Variants in CLIP1 observed in about 807,000 individuals in gnomAD.
CLIP1 encodes CAP-Gly domain containing linker protein 1.
A neutral mutation model predicts 161.6 loss-of-function variants in CLIP1; 66 were observed. The ratio of observed to expected loss-of-function variants is 0.41; its 90% CI spans 0.33 to 0.50. CLIP1 has a LOEUF of 0.50. Among genes scored for constraint, CLIP1 ranks in the 20% least tolerant of loss-of-function variants. The pLI, the probability that CLIP1 is intolerant of heterozygous loss-of-function variation, is 0.27. For synonymous variants in CLIP1, 598 were observed against 626.2 expected (o/e 0.96, Z 0.67); for missense variants, 1,376 against 1,702.0 (o/e 0.81, Z 3.37).
chr12:122,358,976 G>A (rs1466517788), intron 5 of CLIP1, among the ~76,000 whole-genome samples: 1 of 152,158 alleles, frequency 6.6e-6, no homozygotes, highest in East Asian at 1.9e-4. Flanking sequence ...CAGGAAAATC[G>A]CTTGAACCCG....
At chr12:122,362,353 T>TA (rs1953882677) in intron 4 of CLIP1, among the ~76,000 whole-genome samples, 3 of 149,636 alleles carry the variant, frequency 2.0e-5, no homozygotes, top group Non-Finnish European at 3.0e-5. Flanking sequence ...AAAATCTAGT[T>TA]AAAAAAAAGA....
intron 21 of CLIP1, among the ~76,000 whole-genome samples, chr12:122,284,211 TCCCAGA>T (rs1955759697): frequency 3.3e-5 from 5 of 152,138 alleles, no homozygotes; most frequent in Non-Finnish European, 7.3e-5. Flanking sequence ...AAATTTTCAC[TCCCAGA>T]AAAAGTCATC....
chr12:122,279,210 C>A lies in CLIP1; in HGVS notation c.3648-65G>T. On this transcript the variant is annotated intron_variant, in intron 21 of 25. Transcript: ENST00000620786. This position sits in a 1 kb window ranked among gnomAD's most constrained non-coding sequence, Gnocchi z 4.5. ...AAAGACTGGTCAGTGTACAACTGTT[C>A]TAGAACAAACACATAATTAATGTTA... The A allele has an allele frequency of 2.0e-6, 2 of 990,370 alleles. No homozygotes were observed. The highest frequency in any genetic ancestry group is 1.7e-5 in the African/African-American group (1 of 60,428). The allele number at this position is 990,370 out of a possible 1,614,324, so 61.3% of individuals were successfully genotyped here. A position where few individuals can be genotyped will look rare whatever the true frequency, so the allele number is the denominator to read the frequency against.
At chr12:122,382,887 C>T (rs950629863) in intron 1 of CLIP1, among the ~76,000 whole-genome samples, 10 of 152,024 alleles carry the variant, frequency 6.6e-5, no homozygotes, top group Admixed American at 2.0e-4. Context: ...GAAAGAGATC[C>T]GGGTGGGAGT....
At chr12:122,370,054 T>C (rs1954360163) in intron 3 of CLIP1, among the ~76,000 whole-genome samples, 1 of 151,510 alleles carries the variant, frequency 6.6e-6, no homozygotes. Flanking sequence ...TCCCAGCTAC[T>C]CAGGAGGCTG....
At chr12:122,337,949 A>T (rs1464183921) in intron 11 of CLIP1, among the ~76,000 whole-genome samples, 1 of 148,650 alleles carries the variant, frequency 6.7e-6, no homozygotes, top group Non-Finnish European at 1.5e-5. Flanking sequence ...TGGGAGGTGG[A>T]GGCTACAGTG....
intron 1 of CLIP1, among the ~76,000 whole-genome samples, chr12:122,397,058 C>T (rs921614516): frequency 1.4e-5 from 2 of 146,144 alleles, no homozygotes; most frequent in Admixed American, 7.3e-5. Flanking sequence ...GGATTACAGG[C>T]GTAAGCCACC....
At chr12:122,354,320 G>C in intron 7 of CLIP1, 133 bp downstream of exon 7, 1 of 562,034 alleles carries the variant, frequency 1.8e-6, no homozygotes, top group African/African-American at 1.9e-5. Context: ...GCTTGAACCT[G>C]GGAGGCAGAG....
chr12:122,388,388 T>C (rs939062157), intron 1 of CLIP1, among the ~76,000 whole-genome samples: 11 of 152,042 alleles, frequency 7.2e-5, no homozygotes, highest in South Asian at 2.1e-4. Context: ...CCCGGCTAAT[T>C]TTTTGTATTT....
intron 21 of CLIP1, among the ~76,000 whole-genome samples, chr12:122,283,214 T>C (rs950179503): frequency 2.0e-5 from 3 of 152,136 alleles, no homozygotes; most frequent in African/African-American, 7.2e-5. Flanking sequence ...TTCTGGCAAT[T>C]AGAGCAATGC....
At chr12:122,321,064 T>C (rs563605889) in intron 17 of CLIP1, among the ~76,000 whole-genome samples, 5 of 149,228 alleles carry the variant, frequency 3.4e-5, no homozygotes, top group Non-Finnish European at 4.4e-5. Flanking sequence ...ATAAAGTCCT[T>C]TAGGCACTTG....
Position 122,328,167 on chromosome 12 carries a change from A to C in CLIP1, c.3034-5T>G. 1.2e-6 allele frequency: 2 copies of C among 1,613,736 alleles called. No individual in the cohort carries two copies. Among genetic ancestry groups the C allele is most frequent in the South Asian group, 2.2e-5 (2 of 91,070 alleles). Reference sequence around the variant, plus strand: ...GCTTGTTTCCATTTTCTTTTCCTGCAGAGACCCCGAATGAGGGAATGAGTC... The same window carrying C: ...GCTTGTTTCCATTTTCTTTTCCTGCCGAGACCCCGAATGAGGGAATGAGTC... On this transcript the variant is annotated splice_polypyrimidine_tract_variant and splice_region_variant and intron_variant, in intron 16 of 25. Coordinates refer to ENST00000620786, the MANE Select transcript of CLIP1 (RefSeq NM_001247997.2).
chr12:122,272,789 C>CT lies in CLIP1; in HGVS notation c.*85_*86insA. The CT allele has an allele frequency of 8.6e-7, 1 of 1,163,964 alleles. No homozygotes were observed. Among genetic ancestry groups the CT allele is most frequent in the South Asian group, 1.3e-5 (1 of 77,240 alleles). 72.1% of individuals were successfully genotyped at this position (1,163,964 alleles called of 1,614,324 possible). A position where few individuals can be genotyped will look rare whatever the true frequency, so the allele number is the denominator to read the frequency against. The stretch of plus-strand genomic sequence containing the variant: ...GGGGTTAAAAAATAACATGAGTTCT[C>CT]CTGAAGTCTGCACACACAATGCTGG... On this transcript the variant is annotated 3_prime_UTR_variant, in exon 26 of 26. Transcript: ENST00000620786.
chr12:122,387,449 C>CG (rs75817521), intron 1 of CLIP1, among the ~76,000 whole-genome samples: 9 of 143,986 alleles, frequency 6.3e-5, no homozygotes, highest in East Asian at 4.0e-4. Context: ...CTTGTGGAGG[C>CG]GGGGGGGAGG....
chr12:122,408,577 T>C (rs887110228), intron 1 of CLIP1, among the ~76,000 whole-genome samples: 1 of 152,068 alleles, frequency 6.6e-6, no homozygotes, highest in East Asian at 1.9e-4. Flanking sequence ...CTCGATCTCC[T>C]GACCTCGTGA....
intron 20 of CLIP1, among the ~76,000 whole-genome samples, chr12:122,308,259 G>A (rs1447034418): frequency 6.6e-6 from 1 of 152,196 alleles, no homozygotes; most frequent in African/African-American, 2.4e-5. Context: ...ATCTCTGTAA[G>A]TTCCTCCTAT....
chr12:122,335,212 T>C (rs1366393935), intron 12 of CLIP1, among the ~76,000 whole-genome samples: 1 of 152,128 alleles, frequency 6.6e-6, no homozygotes, highest in African/African-American at 2.4e-5. Flanking sequence ...AACATGACAA[T>C]AGGCCAAGCT....
chr12:122,299,788 T>G (rs1292064583), intron 20 of CLIP1, among the ~76,000 whole-genome samples: 1 of 151,440 alleles, frequency 6.6e-6, no homozygotes, highest in Non-Finnish European at 1.5e-5. Flanking sequence ...TGGTGGCAGG[T>G]GCCTGTAGTC....
intron 12 of CLIP1, among the ~76,000 whole-genome samples, chr12:122,336,262 A>G (rs1468514390): frequency 6.6e-6 from 1 of 152,112 alleles, no homozygotes; most frequent in Non-Finnish European, 1.5e-5. Context: ...TGATAATCAC[A>G]GTTTAGGGGC....
Sources: allele counts gnomAD v4.1 joint callset (sites outside exome capture counted in the v4.1 genomes callset), GRCh38; gene constraint gnomAD v4.1.1; non-coding constraint Gnocchi (gnomAD v3.1); transcripts MANE v1.5; gene names NCBI Gene and HGNC (gene_info 2026-07-23, HGNC 2026-07-21).